The following AP3M2 variants were observed in gnomAD, a reference collection of about 807,000 sequenced individuals.
The protein encoded by AP3M2 is adaptor related protein complex 3 subunit mu 2.
In AP3M2, 28 loss-of-function variants were observed where a neutral mutation model predicts 41.6. That is an observed-to-expected ratio of 0.67 (90% confidence interval 0.50 to 0.92). The LOEUF (loss-of-function observed/expected upper bound fraction) is 0.92, where lower values mean the gene tolerates loss of function less well. AP3M2 is among the 40% of genes least tolerant of loss of function. AP3M2 has a pLI of 0.00. For missense variants in AP3M2, 427 were observed against 521.4 expected (o/e 0.82, Z 1.76); for synonymous variants, 193 against 186.4 (o/e 1.04, Z -0.29).
chr8:42,154,989 G>A (rs1186645767), intron 2 of AP3M2, 29 bp downstream of exon 2: 19 of 1,574,132 alleles, frequency 1.2e-5, no homozygotes, highest in Non-Finnish European at 1.7e-5. Context: ...GTTCATATAT[G>A]TAAACCGTAA....
At chr8:42,163,010 G>A (rs913185426) in intron 4 of AP3M2, among the ~76,000 whole-genome samples, 3 of 143,988 alleles carry the variant, frequency 2.1e-5, no homozygotes, top group Non-Finnish European at 3.0e-5. Flanking sequence ...TTACCTTCTC[G>A]AAAGTATTTG....
At position 42,170,797 on chromosome 8, in the gene AP3M2, A is replaced by G. The variant is rs1309586432; in HGVS notation, c.*1736A>G. 2.0e-5 allele frequency: 3 copies of G among 152,238 alleles called. No homozygotes were observed. Among genetic ancestry groups the G allele is most frequent in the Admixed American group, 6.5e-5 (1 of 15,282 alleles). 9.4% of individuals were successfully genotyped at this position (152,238 alleles called of 1,614,324 possible). ...CATCTCTGCCTGTGGATTCTCAAGT[A>G]CTTGGAAGCACCTCTCCTGAGGAAC... On this transcript the variant is annotated 3_prime_UTR_variant, in exon 9 of 9. Transcript: ENST00000396926.
At chr8:42,155,944 A>C (rs1804342476) in intron 2 of AP3M2, 1 of 455,160 alleles carries the variant, frequency 2.2e-6, no homozygotes, top group Non-Finnish European at 4.4e-6. Context: ...GAGAATTAAA[A>C]TACATTTTTT....
intron 6 of AP3M2, chr8:42,166,938 T>G (rs1804654510): frequency 3.7e-6 from 2 of 537,098 alleles, no homozygotes; most frequent in South Asian, 4.4e-5. Context: ...TTTGTTTGTA[T>G]TATTCAGAGT....
intron 6 of AP3M2, among the ~76,000 whole-genome samples, chr8:42,166,331 G>T (rs1026733920): frequency 4.6e-5 from 7 of 152,102 alleles, no homozygotes; most frequent in African/African-American, 1.7e-4. Flanking sequence ...TAAATGGATA[G>T]AAACCATTTA....
intron 8 of AP3M2, 82 bp from the exon 9 acceptor site, chr8:42,168,879 G>A: frequency 1.0e-6 from 1 of 996,492 alleles, no homozygotes; most frequent in South Asian, 1.6e-5. Context: ...ACTGACTTCA[G>A]TGTATTGAAC....
chr8:42,161,313 CTTAAAAAAATTT>C (rs1804499377), intron 3 of AP3M2, among the ~76,000 whole-genome samples: 1 of 151,988 alleles, frequency 6.6e-6, no homozygotes, highest in East Asian at 1.9e-4. Flanking sequence ...AACCCTATCT[CTTAAAAAAATTT>C]TTTAGGTGGG....
intron 4 of AP3M2, 78 bp from the exon 5 acceptor site, chr8:42,164,993 A>C: frequency 8.1e-7 from 1 of 1,234,788 alleles, no homozygotes; most frequent in Non-Finnish European, 1.1e-6. Context: ...GAAGAGAAGG[A>C]GGGAGGAGAT....
At chr8:42,158,814 G>C (rs1360699941) in intron 3 of AP3M2, among the ~76,000 whole-genome samples, 2 of 146,592 alleles carry the variant, frequency 1.4e-5, no homozygotes, top group Non-Finnish European at 3.0e-5. Flanking sequence ...TTTTTTTTGA[G>C]ATGGCGTCTT....
rs374939196 is a variant in AP3M2, at chr8:42,158,130, A to G, written c.445+18A>G. On this transcript the variant is annotated intron_variant, in intron 3 of 8. Transcript: ENST00000396926. ...CATCACAGGTACGGCAGAGGGGGAA[A>G]CTGATAGATAGTGGCCATCCTACAG... 9.3e-6 allele frequency: 15 copies of G among 1,607,242 alleles called. No individual in the cohort carries two copies. The highest frequency in any genetic ancestry group is 8.0e-5 in the African/African-American group (6 of 74,910).
intron 8 of AP3M2, among the ~76,000 whole-genome samples, chr8:42,168,680 A>G (rs572697319): frequency 5.9e-5 from 9 of 152,280 alleles, no homozygotes; most frequent in African/African-American, 2.2e-4. Context: ...AAAATCATGC[A>G]GTGGTCTAAT....
At chr8:42,155,007 T>C in intron 2 of AP3M2, 47 bp downstream of exon 2, 1 of 1,505,584 alleles carries the variant, frequency 6.6e-7, no homozygotes. Flanking sequence ...TAAAGTGTCT[T>C]TGTAGTCCTG....
rs772861829 is a variant in AP3M2 at position 42,154,673 on chromosome 8, C to A, written c.-15C>A. 21 of 1,611,718 alleles carry A rather than the reference C, an allele frequency of 1.3e-5. No individual in the cohort carries two copies. The highest frequency in any genetic ancestry group is 1.8e-5 in the Non-Finnish European group (21 of 1,178,720). The stretch of plus-strand genomic sequence containing the variant: ...GACTGAAAAAGGCTTTCTTCTGTCA[C>A]TGACAATCGCCACCATGATCCATAG... On this transcript the variant is annotated 5_prime_UTR_variant, in exon 2 of 9. The change creates a new upstream start codon in the 5' untranslated region. Coordinates refer to ENST00000396926, the MANE Select transcript of AP3M2 (RefSeq NM_006803.4).
intron 6 of AP3M2, chr8:42,165,848 T>C (rs1452431457): frequency 3.3e-6 from 1 of 306,488 alleles, no homozygotes; most frequent in Non-Finnish European, 6.0e-6. Context: ...TTTTTGTTGT[T>C]ATGTGTCTAA....
Position 42,165,407 on chromosome 8 carries a change from T to A in AP3M2, c.670-20T>A. The stretch of plus-strand genomic sequence containing the variant: ...GTGTTTAATGCCCACTTCTTGCTTC[T>A]CCTCTCCTGATGACTGTAGAACCCT... On this transcript the variant is annotated intron_variant, in intron 5 of 8. Coordinates refer to ENST00000396926, the MANE Select transcript of AP3M2 (RefSeq NM_006803.4). 2 of 1,612,088 alleles carry A rather than the reference T, an allele frequency of 1.2e-6. No homozygotes were observed. The highest frequency in any genetic ancestry group is 1.7e-6 in the Non-Finnish European group (2 of 1,179,168).
rs1295343281 is a variant in AP3M2, at chr8:42,165,528, C to T, written c.771C>T (p.Phe257=). Residue 257 remains phenylalanine, a synonymous_variant, in exon 6 of 9, where the codon TTC becomes TTT. Transcript: ENST00000396926. Reference sequence around the variant, plus strand: ...CCTTCATCCCTCCTGATGGAAACTTCCGCCTGCTGTCTTACCATGTCAGTG... The same window carrying T: ...CCTTCATCCCTCCTGATGGAAACTTTCGCCTGCTGTCTTACCATGTCAGTG... The part of the protein sequence containing the change: ...ILSFIPPDGN[F]RLLSYHVSAQ... The T allele has an allele frequency of 1.2e-6, 2 of 1,614,178 alleles. No homozygotes were observed. The highest frequency in any genetic ancestry group is 1.6e-4 in the Middle Eastern group (1 of 6,062).
intron 4 of AP3M2, among the ~76,000 whole-genome samples, chr8:42,162,943 CAAAAAAAAAAAAAA>C (rs67923954): frequency 0.26 from 14,142 of 54,322 alleles, 1,015 homozygotes; most frequent in Middle Eastern, 0.41. Flanking sequence ...GACCCTGTCT[CAAAAAAAAAAAAAA>C]AAAAAAAAAA....
chr8:42,159,304 T>C (rs1255370386), intron 3 of AP3M2, among the ~76,000 whole-genome samples: 2 of 152,248 alleles, frequency 1.3e-5, no homozygotes, highest in Non-Finnish European at 2.9e-5. Context: ...TTTTAAGTAC[T>C]GTAATGTGTT....
At chr8:42,162,201 G>A (rs1804523790) in intron 3 of AP3M2, 80 bp from the exon 4 acceptor site, 3 of 1,372,062 alleles carry the variant, frequency 2.2e-6, no homozygotes, top group Non-Finnish European at 3.0e-6. Context: ...AATAGTGGGA[G>A]CATAGAAACT....
Sources: gnomAD v4.1 joint callset for allele counts (sites outside exome capture counted in the v4.1 genomes callset) on GRCh38, gnomAD v4.1.1 for gene constraint, MANE v1.5 for transcripts, NCBI Gene and HGNC (gene_info 2026-07-23, HGNC 2026-07-21) for gene names.